The following PRKN variants were observed in gnomAD, a reference collection of about 807,000 sequenced individuals.
PRKN encodes the protein parkin RBR E3 ubiquitin protein ligase.
In PRKN, 56 loss-of-function variants were observed where a neutral mutation model predicts 59.5. That is an observed-to-expected ratio of 0.94 (90% CI 0.76 to 1.18). PRKN has a LOEUF of 1.18. Among genes scored for constraint, PRKN ranks in the 50% most tolerant of loss-of-function variants. The pLI, the probability that PRKN is intolerant of heterozygous loss-of-function variation, is 0.00. For synonymous variants in PRKN, 250 were observed against 222.1 expected, an observed-to-expected ratio of 1.13 and a Z score of -1.12; for missense variants, 657 against 596.4, an observed-to-expected ratio of 1.10 and a Z score of -1.06.
intron 4 of PRKN, among the ~76,000 whole-genome samples, chr6:162,087,221 C>T (rs771332771): frequency 2.0e-5 from 3 of 152,168 alleles, no homozygotes; most frequent in Non-Finnish European, 4.4e-5. Flanking sequence ...TAGACTCTCT[C>T]ATTCCATGAT....
chr6:161,826,906 G>T (rs184531874), intron 6 of PRKN, among the ~76,000 whole-genome samples: 1 of 152,280 alleles, frequency 6.6e-6, no homozygotes, highest in East Asian at 1.9e-4. Flanking sequence ...AAATCCCATA[G>T]TGTGTAATTT....
At position 162,638,591 on chromosome 6, in the gene PRKN, T is replaced by C. The variant is rs1777836024; in HGVS notation, c.7+89071A>G. On this transcript the variant is annotated intron_variant, in intron 1 of 11. Coordinates refer to ENST00000366898, the MANE Select transcript of PRKN (RefSeq NM_004562.3). The stretch of plus-strand genomic sequence containing the variant: ...CTTCAGTTTTCCTCTGGCCAAGTCA[T>C]CTAAAACACGCATTCCAGTTGAATC... 1.3e-5 allele frequency among the ~76,000 whole-genome samples: 2 copies of C among 152,140 alleles called. 1 individual carries two copies. The highest frequency in any genetic ancestry group is 4.1e-4 in the South Asian group (2 of 4,820).
chr6:162,358,243 G>C (rs1414600413), intron 2 of PRKN, among the ~76,000 whole-genome samples: 1 of 152,122 alleles, frequency 6.6e-6, no homozygotes, highest in Non-Finnish European at 1.5e-5. Flanking sequence ...ACAGACAAAA[G>C]TTAGTTTATG....
chr6:161,433,395 ATAAT>A (rs35575113), intron 9 of PRKN, among the ~76,000 whole-genome samples: 40,454 of 151,932 alleles, frequency 0.27, 5,486 homozygotes, highest in African/African-American at 0.3. Context: ...TTTACTACTA[ATAAT>A]TAATTTTAAT....
At chr6:162,469,414 C>T in intron 1 of PRKN, among the ~76,000 whole-genome samples, 1 of 151,350 alleles carries the variant, frequency 6.6e-6, no homozygotes, top group Non-Finnish European at 1.5e-5. Context: ...ATGTTTATAG[C>T]AGCACAGTTC....
intron 7 of PRKN, among the ~76,000 whole-genome samples, chr6:161,628,201 G>A (rs1783163656): frequency 6.6e-6 from 1 of 152,180 alleles, no homozygotes. Context: ...TAATTTGGCT[G>A]TTCAATTAAT....
At chr6:162,471,106 T>G (rs548782229) in intron 1 of PRKN, among the ~76,000 whole-genome samples, 2 of 123,990 alleles carry the variant, frequency 1.6e-5, no homozygotes, top group South Asian at 5.4e-4. Context: ...TTTTATTTAT[T>G]TATTTATTTA....
intron 1 of PRKN, among the ~76,000 whole-genome samples, chr6:162,493,470 T>C (rs776239683): frequency 2.6e-5 from 4 of 152,008 alleles, no homozygotes; most frequent in Non-Finnish European, 5.9e-5. Context: ...ACAAATAGAG[T>C]TATCAGGTGA....
At chr6:162,353,458 T>C (rs1185271749) in intron 2 of PRKN, among the ~76,000 whole-genome samples, 1 of 152,048 alleles carries the variant, frequency 6.6e-6, no homozygotes, top group African/African-American at 2.4e-5. Context: ...ATAAAATAAA[T>C]GTTAAATGCT....
rs116961833 is a variant in PRKN at position 161,350,372 on chromosome 6, A to C, written c.1286-161T>G. Among the ~76,000 whole-genome samples the C allele has an allele frequency of 4.6e-5, 7 of 151,976 alleles. No homozygotes were observed. The East Asian group carries it at 1.4e-3, about 29-fold the overall frequency. ...CTTAACTGAGGGGAAAAACTTCATAAAGCACAATAGGGCAGCTCTAAAGTG... is the reference window on the plus strand; with the variant it reads ...CTTAACTGAGGGGAAAAACTTCATACAGCACAATAGGGCAGCTCTAAAGTG... On this transcript the variant is annotated intron_variant, in intron 11 of 11. Transcript: ENST00000366898.
At chr6:162,051,019 G>A (rs1235601306) in intron 5 of PRKN, among the ~76,000 whole-genome samples, 1 of 152,136 alleles carries the variant, frequency 6.6e-6, no homozygotes, top group Non-Finnish European at 1.5e-5. Context: ...TGTGTTAGGA[G>A]TGTGAGGAAC....
Position 162,679,918 on chromosome 6 carries a change from T to C in PRKN, c.7+47744A>G, listed in dbSNP as rs79020150. On this transcript the variant is annotated intron_variant, in intron 1 of 11. Coordinates refer to ENST00000366898, the MANE Select transcript of PRKN (RefSeq NM_004562.3). ...GGTTAAAGCCTTAGGGTCAGCAGTC[T>C]GAGGATCTTCATTTTAAATTTTCCC... Among the ~76,000 whole-genome samples, 731 of 152,314 alleles carry C rather than the reference T, an allele frequency of 4.8e-3. 30 individuals are homozygous for C. The East Asian group carries it at 0.12, about 24-fold the overall frequency.
rs75930893 is a variant in PRKN, at chr6:162,369,890, T to C, written c.171+73420A>G. The stretch of plus-strand genomic sequence containing the variant: ...TGAAGGTATCCTGCCTCAAGACTTG[T>C]GGCTATTTGGAAAAATAAGCATCCT... On this transcript the variant is annotated intron_variant, in intron 2 of 11. Coordinates refer to ENST00000366898, the MANE Select transcript of PRKN (RefSeq NM_004562.3). Among the ~76,000 whole-genome samples the C allele has an allele frequency of 8.0e-3, 1,225 of 152,224 alleles. 16 individuals are homozygous for C. Among genetic ancestry groups the C allele is most frequent in the African/African-American group, 0.028 (1,145 of 41,532 alleles).
chr6:162,510,765 T>C (rs777689583), intron 1 of PRKN, among the ~76,000 whole-genome samples: 3 of 151,984 alleles, frequency 2.0e-5, no homozygotes, highest in Middle Eastern at 3.4e-3. Context: ...CTACTAAAAA[T>C]GCAAAAAATT....
chr6:162,347,601 A>T (rs1226514299), intron 2 of PRKN, among the ~76,000 whole-genome samples: 1 of 152,126 alleles, frequency 6.6e-6, no homozygotes, highest in Non-Finnish European at 1.5e-5. Context: ...TATCACATTT[A>T]TAAATTTGTG....
At position 161,499,184 on chromosome 6, in the gene PRKN, A is replaced by AT. The variant is rs199784828; in HGVS notation, c.1083+49669dup. 3.8e-3 allele frequency among the ~76,000 whole-genome samples: 570 copies of AT among 150,968 alleles called. 2 individuals are homozygous for AT. The highest frequency in any genetic ancestry group is 0.013 in the African/African-American group (542 of 40,994). ...GTGCTTGAAAAGAATCTAAGACAAC[A>AT]TTTACAGATTGGGAGATCAACGTAA... On this transcript the variant is annotated intron_variant, in intron 9 of 11. Coordinates refer to ENST00000366898, the MANE Select transcript of PRKN (RefSeq NM_004562.3). This position sits in a 1 kb window ranked among gnomAD's most constrained non-coding sequence, Gnocchi z 4.2.
At chr6:162,359,402 C>T (rs1199524921) in intron 2 of PRKN, among the ~76,000 whole-genome samples, 1 of 151,952 alleles carries the variant, frequency 6.6e-6, no homozygotes, top group Non-Finnish European at 1.5e-5. Context: ...CAGATGTTAA[C>T]TCACCTTGTC....
intron 7 of PRKN, among the ~76,000 whole-genome samples, chr6:161,645,060 G>GA (rs971400060): frequency 6.6e-6 from 1 of 151,116 alleles, no homozygotes; most frequent in South Asian, 2.1e-4. Context: ...TTATCAATAA[G>GA]AAAAAAAAAT....
At chr6:161,438,303 C>T (rs146642258) in intron 9 of PRKN, among the ~76,000 whole-genome samples, 1,925 of 149,864 alleles carry the variant, frequency 0.013, 41 homozygotes, top group African/African-American at 0.044. Context: ...CTGCAACCTC[C>T]GCCTCCTGGG....
Sources: allele counts gnomAD v4.1 joint callset (sites outside exome capture counted in the v4.1 genomes callset), GRCh38; gene constraint gnomAD v4.1.1; non-coding constraint Gnocchi (gnomAD v3.1); transcripts MANE v1.5; gene names NCBI Gene and HGNC (gene_info 2026-07-23, HGNC 2026-07-21).